The following NAA11 variants were observed in gnomAD, a reference collection of about 807,000 sequenced individuals.
NAA11 encodes the protein N-alpha-acetyltransferase 11.
In NAA11, 15 loss-of-function variants were observed where a neutral mutation model predicts 16.1. The observed-to-expected ratio is 0.93, with a 90% confidence interval of 0.62 to 1.44. The LOEUF (loss-of-function observed/expected upper bound fraction) is 1.44. Ranked by LOEUF, NAA11 falls within the 40% of genes most tolerant of loss-of-function variation. NAA11 has a pLI of 0.00. For synonymous variants in NAA11, 122 were observed against 112.4 expected (o/e 1.09, Z -0.54); for missense variants, 298 against 291.3 (o/e 1.02, Z -0.17).
At chr4:79,277,617 C>A (rs750214587) in intron 2 of NAA11, among the ~76,000 whole-genome samples, 1 of 152,046 alleles carries the variant, frequency 6.6e-6, no homozygotes, top group Non-Finnish European at 1.5e-5. Flanking sequence ...CTGACTCATT[C>A]TGATTACCTG....
At chr4:79,220,281 C>T in the NAA11 span, among the ~76,000 whole-genome samples, 7 of 152,108 alleles carry the variant, frequency 4.6e-5, no homozygotes, top group East Asian at 3.9e-4. Flanking sequence ...TTAGTAGAGA[C>T]GGCGTTTCGC....
the NAA11 span, among the ~76,000 whole-genome samples, chr4:79,179,757 G>A: frequency 6.6e-6 from 1 of 152,162 alleles, no homozygotes; most frequent in Non-Finnish European, 1.5e-5. Context: ...AAGATCATGA[G>A]TGTATTTCAT....
the NAA11 span, among the ~76,000 whole-genome samples, chr4:79,157,718 CTGAATGGG>C: frequency 6.6e-6 from 1 of 151,712 alleles, no homozygotes; most frequent in Non-Finnish European, 1.5e-5. Flanking sequence ...CAACATAATA[CTGAATGGG>C]GAAAAGTTAA....
chr4:79,278,471 C>T (rs974824490), intron 2 of NAA11, among the ~76,000 whole-genome samples: 9 of 152,066 alleles, frequency 5.9e-5, no homozygotes, highest in African/African-American at 1.9e-4. Flanking sequence ...TGCTTATAAT[C>T]GCCTTGCACT....
chr4:79,242,296 G>A (rs1256831956), intron 2 of NAA11, among the ~76,000 whole-genome samples: 1 of 152,112 alleles, frequency 6.6e-6, no homozygotes, highest in African/African-American at 2.4e-5. Context: ...CTAGTTCCCT[G>A]CCTACCAGTT....
chr4:79,313,397 T>C (rs1189003319), downstream of NAA11, among the ~76,000 whole-genome samples: 2 of 152,174 alleles, frequency 1.3e-5, no homozygotes, highest in Non-Finnish European at 2.9e-5. Context: ...ATTTAAGCTG[T>C]TGGACTCCGC....
downstream of NAA11, among the ~76,000 whole-genome samples, chr4:79,315,055 C>T (rs939311252): frequency 4.6e-5 from 7 of 151,948 alleles, no homozygotes; most frequent in Admixed American, 1.3e-4. Flanking sequence ...TGGATAGTCA[C>T]AGGTGTTTTG....
chr4:79,212,744 G>A, the NAA11 span, among the ~76,000 whole-genome samples: 4 of 151,686 alleles, frequency 2.6e-5, no homozygotes, highest in Non-Finnish European at 2.9e-5. Flanking sequence ...AGTTATTGTT[G>A]TTAATCTCTT....
intron 2 of NAA11, among the ~76,000 whole-genome samples, chr4:79,233,736 C>T (rs976649806): frequency 6.6e-6 from 1 of 152,064 alleles, no homozygotes; most frequent in Non-Finnish European, 1.5e-5. Context: ...GCACTCTATT[C>T]CCCCACATGA....
intron 2 of NAA11, among the ~76,000 whole-genome samples, chr4:79,255,143 A>C (rs900035558): frequency 2.6e-5 from 4 of 152,196 alleles, no homozygotes; most frequent in Admixed American, 6.5e-5. Context: ...TCAGAGATCA[A>C]GATAATGATC....
intron 1 of NAA11, among the ~76,000 whole-genome samples, chr4:79,309,714 C>CTTTTTTTTTTTTTTTTTTTTT (rs71662804): frequency 1.2e-5 from 1 of 81,422 alleles, no homozygotes; most frequent in Non-Finnish European, 2.2e-5. Context: ...TTTTTTTTTT[C>CTTTTTTTTTTTTTTTTTTTTT]TTTTTTTTTT....
the NAA11 span, among the ~76,000 whole-genome samples, chr4:79,210,291 A>G: frequency 6.6e-6 from 1 of 152,146 alleles, no homozygotes; most frequent in Non-Finnish European, 1.5e-5. Context: ...CATTATCACA[A>G]GGTGGGAGGG....
At chr4:79,167,132 T>TATATATATATATATATA in the NAA11 span, among the ~76,000 whole-genome samples, 1 of 17,284 alleles carries the variant, frequency 5.8e-5, no homozygotes, top group African/African-American at 1.6e-4. Context: ...ACAGCTTATT[T>TATATATATATATATATA]TATATATATA....
the NAA11 span, among the ~76,000 whole-genome samples, chr4:79,167,065 G>A: frequency 1.5e-5 from 2 of 129,924 alleles, no homozygotes; most frequent in African/African-American, 2.9e-5. Context: ...ATGAGGTATG[G>A]GGAGTCACCA....
chr4:79,246,317 G>A (rs1300211114), intron 2 of NAA11, among the ~76,000 whole-genome samples: 6 of 144,434 alleles, frequency 4.2e-5, no homozygotes, highest in African/African-American at 1.6e-4. Context: ...CTCCACTATT[G>A]TCCTATGACC....
chr4:79,320,062 T>G (rs1454737693), intron 1 of NAA11, among the ~76,000 whole-genome samples: 2 of 152,210 alleles, frequency 1.3e-5, no homozygotes, highest in Non-Finnish European at 2.9e-5. Flanking sequence ...TTTTTCATTT[T>G]TGTTATTAAT....
At chr4:79,180,768 GAC>G in the NAA11 span, among the ~76,000 whole-genome samples, 1 of 152,142 alleles carries the variant, frequency 6.6e-6, no homozygotes, top group South Asian at 2.1e-4. Context: ...CTGCTATAAA[GAC>G]ACATGCACAC....
At chr4:79,309,117 G>A (rs1022411642) in intron 1 of NAA11, among the ~76,000 whole-genome samples, 1 of 152,082 alleles carries the variant, frequency 6.6e-6, no homozygotes, top group African/African-American at 2.4e-5. Flanking sequence ...TTAATTACTG[G>A]TAAACCACAA....
At chr4:79,301,180 G>A (rs893294899) in intron 1 of NAA11, among the ~76,000 whole-genome samples, 3 of 152,224 alleles carry the variant, frequency 2.0e-5, no homozygotes, top group Admixed American at 1.3e-4. Flanking sequence ...CTGCCACAGA[G>A]TAAGTACCGA....
Sources: allele counts gnomAD v4.1 joint callset (sites outside exome capture counted in the v4.1 genomes callset), GRCh38; gene constraint gnomAD v4.1.1; transcripts MANE v1.5; gene names NCBI Gene and HGNC (gene_info 2026-07-23, HGNC 2026-07-21).